Variants in ALDH7A1 observed in about 807,000 individuals in gnomAD.
ALDH7A1 encodes the protein aldehyde dehydrogenase 7 family member A1.
Under a neutral mutation model 79.9 loss-of-function variants are expected in ALDH7A1, and 63 were observed. The observed-to-expected ratio is 0.79, with a 90% CI of 0.64 to 0.97. The LOEUF is 0.97. Among genes scored for constraint, ALDH7A1 ranks in the 50% least tolerant of loss-of-function variants. ALDH7A1 has a pLI of 0.00. For missense variants in ALDH7A1, 627 were observed against 665.2 expected, an observed-to-expected ratio of 0.94 and a Z score of 0.63; for synonymous variants, 240 against 231.2, an observed-to-expected ratio of 1.04 and a Z score of -0.34.
intron 6 of ALDH7A1, 67 bp downstream of exon 6, chr5:126,577,012 G>C (rs1750995567): frequency 1.3e-6 from 2 of 1,598,566 alleles, no homozygotes; most frequent in African/African-American, 2.7e-5. Flanking sequence ...AAGAGGCTGA[G>C]GTAGTAGTAT....
rs886059845 is a variant in ALDH7A1 at position 126,543,962 on chromosome 5, CA to C, written c.*1002del. 1 of 138,220 alleles carries C rather than the reference CA, an allele frequency of 7.2e-6. No homozygotes were observed. Among genetic ancestry groups the C allele is most frequent in the African/African-American group, 2.6e-5 (1 of 37,906 alleles). The allele number at this position is 138,220 out of a possible 1,614,324, so 8.6% of individuals were successfully genotyped here. The stretch of plus-strand genomic sequence containing the variant: ...AAGGTTGTATAAAAAAATCCAGATG[CA>C]CTTTTTTTTTTTTTTTTTTTTGTAG... On this transcript the variant is annotated 3_prime_UTR_variant, in exon 18 of 18. Coordinates refer to ENST00000409134, the MANE Select transcript of ALDH7A1 (RefSeq NM_001182.5).
At position 126,593,354 on chromosome 5, in the gene ALDH7A1, T is replaced by C. The variant is rs146438406; in HGVS notation, c.243A>G (p.Arg81=). The C allele has an allele frequency of 1.5e-4, 242 of 1,598,006 alleles. No homozygotes were observed. The African/African-American group carries it at 3.1e-3, about 20-fold the overall frequency. The change falls in exon 2 of 18, where the codon CGA becomes CGG. Residue 81 remains arginine, a synonymous_variant. Coordinates refer to ENST00000409134, the MANE Select transcript of ALDH7A1 (RefSeq NM_001182.5). ...ACACACACACACACACTCTTACCTG[T>C]CGGACTCTTGCTATTGGCTCGTTGT... ...PANNEPIARV[R]QASVADYEET... is the part of the protein sequence containing the mutation.
At chr5:126,592,910 G>T (rs1581406324) in intron 2 of ALDH7A1, among the ~76,000 whole-genome samples, 181 bp from the exon 3 acceptor site, 1 of 152,152 alleles carries the variant, frequency 6.6e-6, no homozygotes, top group East Asian at 1.9e-4. Context: ...GGTAAAACAG[G>T]TTGGTATCCA....
At chr5:126,546,207 G>T in intron 17 of ALDH7A1, 117 bp downstream of exon 17, 1 of 953,432 alleles carries the variant, frequency 1.0e-6, no homozygotes, top group Non-Finnish European at 1.7e-6. Flanking sequence ...GCTGTGGAAT[G>T]CTGGAAAAAT....
chr5:126,548,756 C>T (rs1473483887), intron 16 of ALDH7A1, among the ~76,000 whole-genome samples: 2 of 151,608 alleles, frequency 1.3e-5, no homozygotes, highest in Non-Finnish European at 2.9e-5. Context: ...ATTATAAAAG[C>T]TTAAATGAAG....
In ALDH7A1 at chr5:126,593,314, C is replaced by CACACAA. The variant is rs59412541; in HGVS notation, c.246+36_246+37insTTGTGT. 6.1e-3 allele frequency: 8,644 copies of CACACAA among 1,428,622 alleles called. 49 individuals are homozygous for CACACAA. In the African/African-American group the frequency reaches 0.063, roughly 10 times the overall value. The allele number at this position is 1,428,622 out of a possible 1,614,324, so 88.5% of individuals were successfully genotyped here. A position where few individuals can be genotyped will look rare whatever the true frequency, so the allele number is the denominator to read the frequency against. On this transcript the variant is annotated intron_variant, in intron 2 of 17. Coordinates refer to ENST00000409134, the MANE Select transcript of ALDH7A1 (RefSeq NM_001182.5). The stretch of plus-strand genomic sequence containing the variant: ...TTGTGTATAATTTGAATTAAACACA[C>CACACAA]ACACACACACACACACACACACACA...
At chr5:126,594,862 C>T in intron 1 of ALDH7A1, 145 bp downstream of exon 1, 1 of 1,121,678 alleles carries the variant, frequency 8.9e-7, no homozygotes, top group Non-Finnish European at 1.3e-6. Context: ...AGGCACCCTA[C>T]ACGAGAAAAC....
intron 5 of ALDH7A1, among the ~76,000 whole-genome samples, chr5:126,578,788 C>T (rs1213815403): frequency 6.6e-6 from 1 of 152,154 alleles, no homozygotes; most frequent in East Asian, 1.9e-4. Flanking sequence ...AACCATACCA[C>T]ACGAATACGA....
intron 3 of ALDH7A1, among the ~76,000 whole-genome samples, chr5:126,590,512 T>A (rs1221195343): frequency 6.6e-6 from 1 of 151,696 alleles, no homozygotes; most frequent in East Asian, 1.9e-4. Flanking sequence ...TGAGCTGAGA[T>A]CACACCACTG....
rs989988953 is a variant in ALDH7A1 at position 126,561,242 on chromosome 5, A to G, written c.872-118T>C. On this transcript the variant is annotated intron_variant, in intron 9 of 17. Coordinates refer to ENST00000409134, the MANE Select transcript of ALDH7A1 (RefSeq NM_001182.5). ...TAGCCTGTCCAATTATTTTTTATAT[A>G]GCCTATCCCAATCATATAGCCTATC... 111 of 757,300 alleles carry G rather than the reference A, an allele frequency of 1.5e-4. 1 individual carries two copies. Among genetic ancestry groups the G allele is most frequent in the East Asian group, 1.9e-4 (7 of 36,030 alleles). The allele number at this position is 757,300 out of a possible 1,614,324, so 46.9% of individuals were successfully genotyped here. A position where few individuals can be genotyped will look rare whatever the true frequency, so the allele number is the denominator to read the frequency against.
intron 9 of ALDH7A1, among the ~76,000 whole-genome samples, chr5:126,566,277 G>A (rs76221646): frequency 3.1e-4 from 47 of 152,214 alleles, no homozygotes; most frequent in African/African-American, 6.5e-4. Context: ...GTAGTGCTCC[G>A]TGCAACAGAC....
chr5:126,544,617 T>C lies in ALDH7A1; in HGVS notation c.*348A>G. The C allele has an allele frequency of 3.1e-6, 1 of 320,660 alleles. No individual in the cohort carries two copies. The highest frequency in any genetic ancestry group is 2.2e-5 in the African/African-American group (1 of 46,222). 19.9% of individuals were successfully genotyped at this position (320,660 alleles called of 1,614,324 possible). ...ACCCTGTATCTACTGCAAAGACTTC[T>C]GTTTTCTCCTCGGTTCTGTATTTTC... is the stretch of plus-strand genomic sequence containing the variant. On this transcript the variant is annotated 3_prime_UTR_variant, in exon 18 of 18. Transcript: ENST00000409134.
intron 9 of ALDH7A1, among the ~76,000 whole-genome samples, chr5:126,565,938 T>G (rs1428543760): frequency 1.3e-5 from 2 of 152,228 alleles, no homozygotes; most frequent in African/African-American, 2.4e-5. Context: ...TTCCATTGAT[T>G]TTTATGTCTA....
At chr5:126,557,654 T>A (rs1750244994) in intron 11 of ALDH7A1, among the ~76,000 whole-genome samples, 1 of 152,016 alleles carries the variant, frequency 6.6e-6, no homozygotes, top group Non-Finnish European at 1.5e-5. Flanking sequence ...ATCTTTTAGC[T>A]TATTCTAATT....
chr5:126,591,809 G>C (rs1751562227), intron 3 of ALDH7A1: 1 of 152,334 alleles, frequency 6.6e-6, no homozygotes, highest in Non-Finnish European at 1.5e-5. Context: ...TCCCACATTT[G>C]CTCATTTAAC....
At position 126,554,377 on chromosome 5, in the gene ALDH7A1, C is replaced by G. The variant is rs2112759956; in HGVS notation, c.1110G>C (p.Gly370=). 1 of 1,614,020 alleles carries G rather than the reference C, an allele frequency of 6.2e-7. No homozygotes were observed. Among genetic ancestry groups the G allele is most frequent in the Middle Eastern group, 1.6e-4 (1 of 6,062 alleles). Residue 370 remains glycine (G), a synonymous_variant, in exon 13 of 18, where the codon GGG becomes GGC. Transcript: ENST00000409134. The part of the protein sequence containing the change: ...GNPWDPNVLY[G]PLHTKQAVSM... ...TCACTGCCTGCTTGGTGTGGAGTGG[C>G]CCATAGAGAACATTAGCTGGAGAGA...
chr5:126,594,976 G>A (rs1290236048), intron 1 of ALDH7A1, 31 bp downstream of exon 1: 1 of 1,564,030 alleles, frequency 6.4e-7, no homozygotes, highest in South Asian at 1.2e-5. Flanking sequence ...GAGCCCCGGC[G>A]GCTGCAGAGA....
chr5:126,545,878 C>T (rs1454619677), intron 17 of ALDH7A1, among the ~76,000 whole-genome samples: 1 of 151,530 alleles, frequency 6.6e-6, no homozygotes, highest in African/African-American at 2.4e-5. Flanking sequence ...TTTGAGAGGC[C>T]GAGGCAGGCA....
chr5:126,562,576 G>A (rs768724720), intron 9 of ALDH7A1, among the ~76,000 whole-genome samples: 4 of 152,064 alleles, frequency 2.6e-5, no homozygotes, highest in African/African-American at 7.2e-5. Flanking sequence ...TGGGCCGGGC[G>A]TGGTGGCTCA....
Sources: allele counts gnomAD v4.1 joint callset (sites outside exome capture counted in the v4.1 genomes callset), GRCh38; gene constraint gnomAD v4.1.1; transcripts MANE v1.5; gene names NCBI Gene and HGNC (gene_info 2026-07-23, HGNC 2026-07-21).